The following NOP58 variants were observed in gnomAD, a reference collection of about 807,000 sequenced individuals.
NOP58 encodes NOP58 ribonucleoprotein.
In NOP58, 44 loss-of-function variants were observed where a neutral mutation model predicts 71.2. The ratio of observed to expected loss-of-function variants is 0.62; its 90% CI spans 0.49 to 0.79. The LOEUF (loss-of-function observed/expected upper bound fraction) is 0.79, where lower values mean the gene tolerates loss of function less well. Ranked by LOEUF, NOP58 falls within the 30% of genes least tolerant of loss-of-function variation. The pLI is 0.00. For missense variants in NOP58, 538 were observed against 620.2 expected (o/e 0.87, Z 1.41); for synonymous variants, 228 against 200.3 (o/e 1.14, Z -1.17).
Position 202,295,802 on chromosome 2 carries a change from C to T in NOP58, c.1036C>T (p.Leu346Phe), listed in dbSNP as rs888372036. 6.2e-7 allele frequency: 1 copy of T among 1,601,658 alleles called. No homozygotes were observed. Among genetic ancestry groups the T allele is most frequent in the Non-Finnish European group, 8.5e-7 (1 of 1,175,014 alleles). ...GTATGGTCTCATTTATCATGCTTCA[C>T]TCGTGGGCCAGACAAGTCCCAAACA... The part of the protein sequence containing the change: ...PKYGLIYHAS[L>F]VGQTSPKHKG... Residue 346 changes from leucine (L) to phenylalanine (F), a missense_variant, in exon 10 of 15, where the codon CTC (leucine) becomes TTC (phenylalanine). Transcript: ENST00000264279.
chr2:202,289,827 AT>A (rs1319988447), intron 6 of NOP58, among the ~76,000 whole-genome samples: 1 of 152,168 alleles, frequency 6.6e-6, no homozygotes, highest in African/African-American at 2.4e-5. Context: ...TGGGTACAGA[AT>A]TTTTCAGTTT....
intron 1 of NOP58, among the ~76,000 whole-genome samples, chr2:202,271,623 A>C (rs1688513015): frequency 6.6e-6 from 1 of 152,114 alleles, no homozygotes; most frequent in Admixed American, 6.6e-5. Flanking sequence ...GAGTATGCAC[A>C]GATATTATGC....
At position 202,287,641 on chromosome 2, in the gene NOP58, T is replaced by C. The variant is rs2105848194; in HGVS notation, c.435-19T>C. ...TCCTAGATGCTATCTTGCTAATTTA[T>C]TTTCCCCTTTCTTCCCAGCCTGTCT... On this transcript the variant is annotated intron_variant, in intron 5 of 14. Coordinates refer to ENST00000264279, the MANE Select transcript of NOP58 (RefSeq NM_015934.5). 1 of 1,596,782 alleles carries C rather than the reference T, an allele frequency of 6.3e-7. No homozygotes were observed. The highest frequency in any genetic ancestry group is 1.1e-5 in the South Asian group (1 of 90,634).
intron 14 of NOP58, 32 bp from the exon 15 acceptor site, chr2:202,303,354 T>C: frequency 6.2e-7 from 1 of 1,608,776 alleles, no homozygotes. Context: ...CAATTTCAGC[T>C]CTTTCAAAGC....
In NOP58 at chr2:202,284,328, T is replaced by C; in HGVS notation, c.298-17T>C. The C allele has an allele frequency of 1.3e-6, 2 of 1,562,012 alleles. No individual in the cohort carries two copies. The highest frequency in any genetic ancestry group is 1.7e-6 in the Non-Finnish European group (2 of 1,150,116). ...CTTTTTTTTTTTAATTTAATATAGA[T>C]GTTCATGTTCTTGTAGGAAAAGCTG... On this transcript the variant is annotated splice_polypyrimidine_tract_variant and intron_variant, in intron 4 of 14. Transcript: ENST00000264279.
chr2:202,290,677 A>G (rs1181225995), intron 7 of NOP58, among the ~76,000 whole-genome samples: 1 of 151,822 alleles, frequency 6.6e-6, no homozygotes, highest in East Asian at 1.9e-4. Context: ...CTAATGCTAA[A>G]TAGCAGTATT....
At chr2:202,283,898 A>G (rs534928575) in intron 4 of NOP58, among the ~76,000 whole-genome samples, 4 of 152,342 alleles carry the variant, frequency 2.6e-5, no homozygotes, top group Non-Finnish European at 5.9e-5. Context: ...CCAGTGATAC[A>G]GTCAAGTATT....
intron 12 of NOP58, among the ~76,000 whole-genome samples, chr2:202,298,850 G>T (rs73990242): frequency 0.033 from 5,065 of 151,720 alleles, 286 homozygotes; most frequent in African/African-American, 0.12. Context: ...ATGTGGCACA[G>T]CTGTTCTAGG....
chr2:202,298,591 C>T (rs1436492869), intron 12 of NOP58, among the ~76,000 whole-genome samples: 4 of 152,178 alleles, frequency 2.6e-5, no homozygotes, highest in Admixed American at 2.6e-4. Context: ...TGAGATCGCG[C>T]CCCTGCACTC....
At chr2:202,300,119 A>C in intron 12 of NOP58, 115 bp from the exon 13 acceptor site, 1 of 890,550 alleles carries the variant, frequency 1.1e-6, no homozygotes, top group Non-Finnish European at 1.7e-6. Context: ...ACTAAAATGA[A>C]ACAACATTGT....
chr2:202,291,359 T>C (rs763499667), intron 8 of NOP58, 89 bp downstream of exon 8: 25 of 968,224 alleles, frequency 2.6e-5, no homozygotes, highest in African/African-American at 6.6e-5. Flanking sequence ...TTTACACTTA[T>C]TGTTGTTCAC....
Position 202,291,170 on chromosome 2 carries a change from CAGA to C in NOP58, c.686_688del (p.Glu229del), listed in dbSNP as rs1688882442. 1 of 1,612,844 alleles carries C rather than the reference CAGA, an allele frequency of 6.2e-7. No individual in the cohort carries two copies. The highest frequency in any genetic ancestry group is 2.2e-5 in the East Asian group (1 of 44,818). On this transcript the variant is annotated inframe_deletion, in exon 8 of 15. Coordinates refer to ENST00000264279, the MANE Select transcript of NOP58 (RefSeq NM_015934.5). The stretch of plus-strand genomic sequence containing the variant: ...TCTGCCAAGCTTTCTGAGTTGCTGC[CAGA>C]AGAAGTTGAAGCAGAAGTGAAAGCA...
At chr2:202,284,173 C>T (rs747609270) in intron 4 of NOP58, among the ~76,000 whole-genome samples, 172 bp from the exon 5 acceptor site, 7 of 151,812 alleles carry the variant, frequency 4.6e-5, no homozygotes, top group Non-Finnish European at 7.4e-5. Flanking sequence ...AATCCCAGGC[C>T]GAGACAGGAG....
intron 10 of NOP58, 52 bp from the exon 11 acceptor site, chr2:202,297,327 T>G: frequency 6.6e-7 from 1 of 1,509,498 alleles, no homozygotes; most frequent in Non-Finnish European, 9.1e-7. Flanking sequence ...TCCAAGTTAT[T>G]GAGGATTTTA....
chr2:202,273,515 T>C (rs1250809984), intron 1 of NOP58, among the ~76,000 whole-genome samples: 2 of 152,256 alleles, frequency 1.3e-5, no homozygotes, highest in Non-Finnish European at 2.9e-5. Flanking sequence ...GTAGAAATAG[T>C]ATACAACTAT....
At chr2:202,279,256 G>T (rs1295053326) in intron 3 of NOP58, among the ~76,000 whole-genome samples, 2 of 152,080 alleles carry the variant, frequency 1.3e-5, no homozygotes, top group Admixed American at 1.3e-4. Context: ...TATCTGGCCA[G>T]TCCTTATTAA....
At chr2:202,271,827 C>T (rs1332201114) in intron 1 of NOP58, among the ~76,000 whole-genome samples, 1 of 152,020 alleles carries the variant, frequency 6.6e-6, no homozygotes, top group Non-Finnish European at 1.5e-5. Flanking sequence ...ACCTATAGTC[C>T]TAGCTACTTG....
chr2:202,300,334 A>G lies in NOP58; in HGVS notation c.1369A>G (p.Lys457Glu). 6.3e-7 allele frequency: 1 copy of G among 1,595,322 alleles called. No homozygotes were observed. The highest frequency in any genetic ancestry group is 8.5e-7 in the Non-Finnish European group (1 of 1,175,780). Residue 457 changes from lysine to glutamate, a missense_variant, in exon 13 of 15, where the codon AAG becomes GAG. By Grantham distance (56) the Lys-to-Glu change is moderately conservative. Transcript: ENST00000264279. ...AGATAAAGAGGATGAAATTACTGAA[A>G]AGAAAGCCAAAAAAGCCAAGATTAA... Reference protein sequence around the residue: ...QVDKEDEITEKKAKKAKIKVK... With the variant: ...QVDKEDEITEEKAKKAKIKVK...
At chr2:202,269,348 T>G (rs1375866830) in intron 1 of NOP58, among the ~76,000 whole-genome samples, 1 of 150,218 alleles carries the variant, frequency 6.7e-6, no homozygotes, top group Admixed American at 6.7e-5. Context: ...AAATTTTTTT[T>G]TTTTTTTTTA....
Sources: gnomAD v4.1 joint callset for allele counts (sites outside exome capture counted in the v4.1 genomes callset) on GRCh38, gnomAD v4.1.1 for gene constraint, MANE v1.5 for transcripts, NCBI Gene and HGNC (gene_info 2026-07-23, HGNC 2026-07-21) for gene names.